KRT80: variants seen among roughly 807,000 people sequenced by gnomAD.
KRT80 encodes the protein keratin 80, also known as keratin, type II cytoskeletal 80.
Under a neutral mutation model 51.5 loss-of-function variants are expected in KRT80, and 36 were observed. The ratio of observed to expected loss-of-function variants is 0.70; its 90% CI spans 0.54 to 0.92. KRT80 has a LOEUF of 0.92. Among genes scored for constraint, KRT80 ranks in the 40% least tolerant of loss-of-function variants. The probability of loss-of-function intolerance (pLI) is 0.00; values close to 1 mark genes in which losing one functional copy is unlikely to be tolerated. For missense variants in KRT80, 566 were observed against 591.7 expected (o/e 0.96, Z 0.45); for synonymous variants, 235 against 248.3 (o/e 0.95, Z 0.50).
intron 4 of KRT80, 56 bp from the exon 5 acceptor site, chr12:52,173,820 C>T: frequency 6.5e-7 from 1 of 1,539,074 alleles, no homozygotes; most frequent in Admixed American, 1.7e-5. Flanking sequence ...CAAGGACCCT[C>T]AGCCCCACAC....
chr12:52,187,777 G>T (rs989304147), intron 1 of KRT80, among the ~76,000 whole-genome samples: 1 of 152,142 alleles, frequency 6.6e-6, no homozygotes, highest in East Asian at 1.9e-4. Flanking sequence ...CGTTGGGGGG[G>T]CAGGTATCTG....
In KRT80 at chr12:52,170,863, C is replaced by T. The variant is rs1330412802; in HGVS notation, c.*535G>A. On this transcript the variant is annotated 3_prime_UTR_variant, in exon 9 of 9. Coordinates refer to ENST00000394815, the MANE Select transcript of KRT80 (RefSeq NM_182507.3). Reference sequence around the variant, plus strand: ...AGGTCTCTGGGGAGCCCAAAGAGCACGGGAAAGCCAAGAGGGTCTTCAGCA... The same window carrying T: ...AGGTCTCTGGGGAGCCCAAAGAGCATGGGAAAGCCAAGAGGGTCTTCAGCA... 3 of 155,548 alleles carry T rather than the reference C, an allele frequency of 1.9e-5. No homozygotes were observed. Among genetic ancestry groups the T allele is most frequent in the Non-Finnish European group, 4.3e-5 (3 of 70,134 alleles). The allele number at this position is 155,548 out of a possible 1,614,324, so 9.6% of individuals were successfully genotyped here.
intron 1 of KRT80, among the ~76,000 whole-genome samples, chr12:52,189,779 G>A (rs1011134082): frequency 6.6e-6 from 1 of 152,234 alleles, no homozygotes; most frequent in African/African-American, 2.4e-5. Context: ...AAGGCTAAGG[G>A]TTGGGAGGCT....
intron 1 of KRT80, among the ~76,000 whole-genome samples, chr12:52,191,042 T>C (rs1165728749): frequency 6.6e-6 from 1 of 152,170 alleles, no homozygotes; most frequent in East Asian, 1.9e-4. Flanking sequence ...CCTGCATTCC[T>C]ATCTCCTGAC....
intron 2 of KRT80, among the ~76,000 whole-genome samples, chr12:52,181,319 C>G (rs1450265305): frequency 6.6e-6 from 1 of 152,168 alleles, no homozygotes; most frequent in Admixed American, 6.5e-5. Context: ...GACCTCCTTC[C>G]CTGGCAATCT....
chr12:52,187,600 G>A (rs1941425477), intron 1 of KRT80, among the ~76,000 whole-genome samples: 1 of 152,212 alleles, frequency 6.6e-6, no homozygotes, highest in Admixed American at 6.5e-5. Flanking sequence ...ACTGGATGAT[G>A]GCGTTTGACG....
At chr12:52,185,301 C>T in intron 2 of KRT80, 78 bp downstream of exon 2, 1 of 1,374,900 alleles carries the variant, frequency 7.3e-7, no homozygotes, top group Middle Eastern at 1.9e-4. Context: ...CTTTCTCTGG[C>T]TTAAGTGCCT....
At chr12:52,183,757 C>A (rs1281509507) in intron 2 of KRT80, among the ~76,000 whole-genome samples, 3 of 152,256 alleles carry the variant, frequency 2.0e-5, no homozygotes, top group Non-Finnish European at 4.4e-5. Flanking sequence ...TGGGAGCAGC[C>A]TTACCCAGTG....
At position 52,185,411 on chromosome 12, in the gene KRT80, C is replaced by T. The variant is rs751244993; in HGVS notation, c.477G>A (p.Gln159=). ...ERGQLEANLL[Q]VLEKVEEFRI... is the part of the protein sequence containing the mutation. ...GAAACTCCTCAACCTTCTCCAGCAC[C>T]TGCAGCAGGTTGGCCTCCAGCTGCC... The change falls in exon 2 of 9, where the codon CAG becomes CAA. Residue 159 remains glutamine (Q), a synonymous_variant. Transcript: ENST00000394815. 2.5e-6 allele frequency: 4 copies of T among 1,614,050 alleles called. No individual in the cohort carries two copies. In the South Asian group the frequency reaches 3.3e-5, roughly 13 times the overall value.
chr12:52,171,543 A>AG, intron 8 of KRT80, 21 bp from the exon 9 acceptor site: 2 of 1,613,588 alleles, frequency 1.2e-6, no homozygotes, highest in Non-Finnish European at 1.7e-6. Context: ...CATAAGGGGT[A>AG]GGGGAGGGAA....
chr12:52,172,502 G>C, intron 6 of KRT80, 84 bp from the exon 7 acceptor site: 1 of 1,257,284 alleles, frequency 8.0e-7, no homozygotes, highest in Non-Finnish European at 1.1e-6. Flanking sequence ...TCTGTCCTTG[G>C]TGGGGGTAGG....
chr12:52,179,721 A>G (rs999051569), intron 4 of KRT80, among the ~76,000 whole-genome samples: 1 of 152,238 alleles, frequency 6.6e-6, no homozygotes, highest in Non-Finnish European at 1.5e-5. Context: ...ATAGCTTGGC[A>G]CCAGCAGTGT....
At chr12:52,183,607 C>T (rs930968676) in intron 2 of KRT80, among the ~76,000 whole-genome samples, 3 of 152,210 alleles carry the variant, frequency 2.0e-5, no homozygotes, top group African/African-American at 7.2e-5. Context: ...TCAGCCTAAG[C>T]AGTAGAGTCA....
At chr12:52,188,794 C>T (rs995482006) in intron 1 of KRT80, among the ~76,000 whole-genome samples, 1 of 152,214 alleles carries the variant, frequency 6.6e-6, no homozygotes, top group Middle Eastern at 3.2e-3. Flanking sequence ...TCTCCATCCC[C>T]TCTGTTGTCT....
chr12:52,186,167 GCTCTCCCTGCC>G (rs1941401533), intron 1 of KRT80, among the ~76,000 whole-genome samples: 1 of 151,978 alleles, frequency 6.6e-6, no homozygotes, highest in African/African-American at 2.4e-5. Context: ...TCAGCCTGGG[GCTCTCCCTGCC>G]TCCTCCCCAC....
chr12:52,173,534 C>G (rs1390940931), intron 5 of KRT80, 66 bp downstream of exon 5: 1 of 1,537,960 alleles, frequency 6.5e-7, no homozygotes, highest in East Asian at 2.3e-5. Context: ...CATCACCAGT[C>G]CAGCCCTTCC....
intron 4 of KRT80, among the ~76,000 whole-genome samples, chr12:52,174,243 C>T (rs1049021693): frequency 6.6e-6 from 1 of 152,224 alleles, no homozygotes; most frequent in Non-Finnish European, 1.5e-5. Context: ...CTGTGTTCAT[C>T]TCTGAGCCCC....
At position 52,174,851 on chromosome 12, in the gene KRT80, G is replaced by A. The variant is rs1264268387; in HGVS notation, c.667-1087C>T. Among the ~76,000 whole-genome samples the A allele has an allele frequency of 2.0e-5, 3 of 152,256 alleles. No homozygotes were observed. In the East Asian group the frequency reaches 5.8e-4, roughly 29 times the overall value. The stretch of plus-strand genomic sequence containing the variant: ...CTCAGGGGTGTGTAGGGAGGCAGGT[G>A]GGACCAGGGATCTCTAGAGGTTGCA... On this transcript the variant is annotated intron_variant, in intron 4 of 8. Coordinates refer to ENST00000394815, the MANE Select transcript of KRT80 (RefSeq NM_182507.3).
chr12:52,173,850 T>G, intron 4 of KRT80, 86 bp from the exon 5 acceptor site: 1 of 1,381,010 alleles, frequency 7.2e-7, no homozygotes, highest in Non-Finnish European at 1.0e-6. Context: ...GTCCCCGGGG[T>G]GAGCGGAGAG....
Sources: allele counts gnomAD v4.1 joint callset (sites outside exome capture counted in the v4.1 genomes callset), GRCh38; gene constraint gnomAD v4.1.1; transcripts MANE v1.5; gene names NCBI Gene and HGNC (gene_info 2026-07-23, HGNC 2026-07-21).